Variants in HHAT observed in about 807,000 individuals in gnomAD.
HHAT encodes protein-cysteine N-palmitoyltransferase HHAT.
A neutral mutation model predicts 70.8 loss-of-function variants in HHAT; 47 were observed. The observed-to-expected ratio is 0.66, with a 90% CI of 0.53 to 0.85. HHAT has a LOEUF of 0.85. Ranked by LOEUF, HHAT falls within the 40% of genes least tolerant of loss-of-function variation. HHAT has a pLI of 0.00. For synonymous variants in HHAT, 228 were observed against 247.6 expected, an observed-to-expected ratio of 0.92 and a Z score of 0.74; for missense variants, 609 against 604.8, an observed-to-expected ratio of 1.01 and a Z score of -0.07.
intron 4 of HHAT, among the ~76,000 whole-genome samples, chr1:210,395,358 T>A (rs1324472841): frequency 6.6e-6 from 1 of 152,234 alleles, no homozygotes; most frequent in Non-Finnish European, 1.5e-5. Flanking sequence ...TTTTCCTGAC[T>A]CCTTATGAAG....
At chr1:210,390,677 A>G (rs552927752) in intron 4 of HHAT, among the ~76,000 whole-genome samples, 12 of 152,252 alleles carry the variant, frequency 7.9e-5, no homozygotes, top group South Asian at 2.1e-4. Context: ...CCAAAGCCCC[A>G]AAGTCCATTA....
intron 9 of HHAT, among the ~76,000 whole-genome samples, chr1:210,535,906 A>G (rs2095367429): frequency 6.6e-6 from 1 of 152,210 alleles, no homozygotes; most frequent in Non-Finnish European, 1.5e-5. Context: ...GCTCTGAATT[A>G]CAGAGCCTGG....
At chr1:210,561,132 G>C (rs2095619608) in intron 9 of HHAT, among the ~76,000 whole-genome samples, 1 of 152,160 alleles carries the variant, frequency 6.6e-6, no homozygotes, top group South Asian at 2.1e-4. Flanking sequence ...CATAGAACTA[G>C]GTGATTTCTT....
intron 10 of HHAT, among the ~76,000 whole-genome samples, chr1:210,591,071 C>A (rs1475305052): frequency 6.6e-6 from 1 of 152,040 alleles, no homozygotes; most frequent in Non-Finnish European, 1.5e-5. Flanking sequence ...GCGTTACAAC[C>A]AATCCAATTA....
At chr1:210,329,723 G>A (rs1181113711) in intron 1 of HHAT, among the ~76,000 whole-genome samples, 3 of 152,162 alleles carry the variant, frequency 2.0e-5, no homozygotes, top group Admixed American at 2.0e-4. Flanking sequence ...GTGGGAGTGA[G>A]ACATTGCTTC....
intron 3 of HHAT, among the ~76,000 whole-genome samples, chr1:210,376,443 T>G (rs2090224840): frequency 6.6e-6 from 1 of 152,204 alleles, no homozygotes; most frequent in Non-Finnish European, 1.5e-5. Flanking sequence ...CTATATCTTG[T>G]CTGAAAGCAG....
intron 9 of HHAT, among the ~76,000 whole-genome samples, chr1:210,516,609 A>G (rs2095061283): frequency 6.6e-6 from 1 of 152,196 alleles, no homozygotes; most frequent in Non-Finnish European, 1.5e-5. Flanking sequence ...TTTGTAAAAG[A>G]GCAAATGTGG....
chr1:210,443,351 C>G (rs565821016), intron 7 of HHAT, among the ~76,000 whole-genome samples: 1 of 151,262 alleles, frequency 6.6e-6, no homozygotes, highest in South Asian at 2.1e-4. Context: ...TCCTTATGAA[C>G]TTTAAAGTAG....
chr1:210,469,893 T>A (rs1229179443), intron 8 of HHAT, among the ~76,000 whole-genome samples: 3 of 152,080 alleles, frequency 2.0e-5, no homozygotes, highest in African/African-American at 7.2e-5. Context: ...GTTATATAGG[T>A]ATACATGTAC....
At chr1:210,435,765 T>A (rs1484481180) in intron 7 of HHAT, among the ~76,000 whole-genome samples, 5 of 151,990 alleles carry the variant, frequency 3.3e-5, no homozygotes, top group Non-Finnish European at 4.4e-5. Context: ...GTATGTCATT[T>A]TTTGAGAAAT....
intron 1 of HHAT, among the ~76,000 whole-genome samples, chr1:210,333,444 G>GA (rs76784394): frequency 0.12 from 18,527 of 151,676 alleles, 1,623 homozygotes; most frequent in Admixed American, 0.27. Flanking sequence ...ATAATAAAAT[G>GA]AAAAAACTAA....
chr1:210,641,698 C>T (rs1672996843), intron 11 of HHAT, among the ~76,000 whole-genome samples: 1 of 152,194 alleles, frequency 6.6e-6, no homozygotes, highest in South Asian at 2.1e-4. Flanking sequence ...ATGCAGAAAA[C>T]TTCACTCAGC....
Position 210,526,367 on chromosome 1 carries a change from G to GTTTTGTTTTGTTTTGTTTTTTTTTTT in HHAT, c.1043+13183_1043+13184insGTTTTGTTTTGTTTTTTTTTTTTTTT. Among the ~76,000 whole-genome samples, 66 of 142,402 alleles carry GTTTTGTTTTGTTTTGTTTTTTTTTTT rather than the reference G, an allele frequency of 4.6e-4. 1 individual carries two copies. The highest frequency in any genetic ancestry group is 8.2e-4 in the Non-Finnish European group (54 of 65,840). 93.4% of individuals were successfully genotyped at this position (142,402 alleles called of 152,430 possible). A position where few individuals can be genotyped will look rare whatever the true frequency, so the allele number is the denominator to read the frequency against. On this transcript the variant is annotated intron_variant, in intron 9 of 11. Transcript: ENST00000261458. Reference sequence around the variant, plus strand: ...TAATAAACTAACCAGAGTGGGTTCTGTTTTTTTTTTTGCCACTGAGATAAC... The same window carrying GTTTTGTTTTGTTTTGTTTTTTTTTTT: ...TAATAAACTAACCAGAGTGGGTTCTGTTTTGTTTTGTTTTGTTTTTTTTTTTTTTTTTTTTTTGCCACTGAGATAAC...
chr1:210,375,842 C>T (rs2090152871), intron 3 of HHAT, among the ~76,000 whole-genome samples: 2 of 146,768 alleles, frequency 1.4e-5, no homozygotes, highest in Admixed American at 6.9e-5. Flanking sequence ...TTTTTATTGA[C>T]CTATCCTTAG....
chr1:210,534,541 T>C (rs12124286), intron 9 of HHAT, among the ~76,000 whole-genome samples: 19,324 of 152,172 alleles, frequency 0.13, 1,593 homozygotes, highest in South Asian at 0.21. Flanking sequence ...TTTTTCAGAA[T>C]TTGGAATATT....
In HHAT at chr1:210,623,529, C is replaced by T. The variant is rs767942183; in HGVS notation, c.1249C>T (p.Arg417Ter). 7.4e-6 allele frequency: 12 copies of T among 1,613,960 alleles called. No homozygotes were observed. Among genetic ancestry groups the T allele is most frequent in the South Asian group, 4.4e-5 (4 of 91,032 alleles). ...TTTCTTGCCATTTTTCCCGTAGGCCCGATACTTCTCCCCACAAGCTCGCCG... is the reference window on the plus strand; with the variant it reads ...TTTCTTGCCATTTTTCCCGTAGGCCTGATACTTCTCCCCACAAGCTCGCCG... ...ETPCIQDSLARYFSPQARRRF... is the reference protein window; with the variant it reads ...ETPCIQDSLA The change falls in exon 11 of 12, where the codon CGA becomes TGA. Residue 417 changes from arginine to a stop codon, truncating the protein, a stop_gained. Coordinates refer to ENST00000261458, the MANE Select transcript of HHAT (RefSeq NM_018194.6). LOFTEE classifies it high-confidence loss of function.
intron 1 of HHAT, among the ~76,000 whole-genome samples, chr1:210,331,421 G>T (rs1188040347): frequency 1.3e-5 from 2 of 152,138 alleles, no homozygotes; most frequent in East Asian, 1.9e-4. Flanking sequence ...AGGATACTTT[G>T]CCTTGACTTT....
chr1:210,386,460 G>C (rs1417448967), intron 3 of HHAT, among the ~76,000 whole-genome samples: 1 of 150,972 alleles, frequency 6.6e-6, no homozygotes, highest in African/African-American at 2.4e-5. Context: ...GGATGGTCTC[G>C]ATCTCCTGAC....
intron 3 of HHAT, among the ~76,000 whole-genome samples, chr1:210,368,909 C>G (rs2089279649): frequency 1.3e-5 from 2 of 152,068 alleles, no homozygotes; most frequent in Admixed American, 6.5e-5. Flanking sequence ...GAAACTCCGT[C>G]TCTACTAAAA....
Sources: allele counts gnomAD v4.1 joint callset (sites outside exome capture counted in the v4.1 genomes callset), GRCh38; gene constraint gnomAD v4.1.1; transcripts MANE v1.5; gene names NCBI Gene and HGNC (gene_info 2026-07-23, HGNC 2026-07-21).